The following PDZRN4 variants were observed in gnomAD, a reference collection of about 807,000 sequenced individuals.
PDZRN4 encodes PDZ domain-containing RING finger protein 4.
In PDZRN4, 70 loss-of-function variants were observed where a neutral mutation model predicts 99.0. The ratio of observed to expected loss-of-function variants is 0.71; its 90% CI spans 0.58 to 0.86. The LOEUF (loss-of-function observed/expected upper bound fraction) is 0.86. Ranked by LOEUF, PDZRN4 falls within the 40% of genes least tolerant of loss-of-function variation. PDZRN4 has a pLI of 0.00. For missense variants in PDZRN4, 1,474 were observed against 1,331.2 expected (o/e 1.11, Z -1.67); for synonymous variants, 551 against 501.6 (o/e 1.10, Z -1.32).
intron 3 of PDZRN4, among the ~76,000 whole-genome samples, chr12:41,300,428 A>T (rs1951527307): frequency 6.6e-6 from 1 of 152,036 alleles, no homozygotes; most frequent in Admixed American, 6.6e-5. Context: ...ATAACTCTTA[A>T]TTATATTTTG....
chr12:41,487,251 A>AT (rs71081746), intron 3 of PDZRN4, among the ~76,000 whole-genome samples: 37 of 149,676 alleles, frequency 2.5e-4, no homozygotes, highest in East Asian at 5.9e-4. Context: ...GTGCCCAATA[A>AT]TTTTTTTTTT....
intron 3 of PDZRN4, among the ~76,000 whole-genome samples, chr12:41,293,003 C>T (rs1341908071): frequency 1.3e-5 from 2 of 151,462 alleles, no homozygotes; most frequent in African/African-American, 4.9e-5. Flanking sequence ...GCTCCACTAA[C>T]ATCTTGGAGG....
chr12:41,333,031 A>C (rs1016368316), intron 3 of PDZRN4, among the ~76,000 whole-genome samples: 1 of 152,186 alleles, frequency 6.6e-6, no homozygotes, highest in African/African-American at 2.4e-5. Context: ...TGCCAAAGTC[A>C]CACATGCTAG....
At chr12:41,474,512 AG>A (rs1279904815) in intron 3 of PDZRN4, among the ~76,000 whole-genome samples, 1 of 152,204 alleles carries the variant, frequency 6.6e-6, no homozygotes, top group African/African-American at 2.4e-5. Flanking sequence ...AAAGTCTTAC[AG>A]TTTGTAAACG....
At chr12:41,271,356 T>C (rs1449078749) in intron 3 of PDZRN4, among the ~76,000 whole-genome samples, 1 of 152,158 alleles carries the variant, frequency 6.6e-6, no homozygotes, top group African/African-American at 2.4e-5. Flanking sequence ...TTCATGGCCC[T>C]ATTAAATCAC....
intron 3 of PDZRN4, among the ~76,000 whole-genome samples, chr12:41,480,599 A>G (rs1390846798): frequency 1.3e-5 from 2 of 152,164 alleles, no homozygotes; most frequent in African/African-American, 2.4e-5. Context: ...AATATAATAA[A>G]CGAAAACATA....
intron 3 of PDZRN4, among the ~76,000 whole-genome samples, chr12:41,479,820 T>C (rs1264220434): frequency 6.6e-6 from 1 of 152,214 alleles, no homozygotes; most frequent in Non-Finnish European, 1.5e-5. Context: ...TTAATTAATG[T>C]ATGCACATAT....
chr12:41,221,894 G>A (rs750438339), intron 3 of PDZRN4, among the ~76,000 whole-genome samples: 24 of 152,278 alleles, frequency 1.6e-4, no homozygotes, highest in Middle Eastern at 3.4e-3. Context: ...GATACTCATC[G>A]AGACATATTT....
At chr12:41,326,091 C>T (rs1313295200) in intron 3 of PDZRN4, among the ~76,000 whole-genome samples, 1 of 151,908 alleles carries the variant, frequency 6.6e-6, no homozygotes, top group Non-Finnish European at 1.5e-5. Context: ...TCAAGCAATC[C>T]TCCCACCTTG....
chr12:41,381,652 T>C (rs1161482963), intron 3 of PDZRN4, among the ~76,000 whole-genome samples: 1 of 152,190 alleles, frequency 6.6e-6, no homozygotes, highest in Non-Finnish European at 1.5e-5. Flanking sequence ...TAATTTTGCT[T>C]AATTTCCATG....
intron 3 of PDZRN4, among the ~76,000 whole-genome samples, chr12:41,430,127 T>C (rs1352958226): frequency 2.0e-5 from 3 of 152,248 alleles, no homozygotes; most frequent in East Asian, 1.9e-4. Flanking sequence ...GATGCCATTA[T>C]TGGTTTCTAG....
At chr12:41,247,694 A>G (rs1420289983) in intron 3 of PDZRN4, among the ~76,000 whole-genome samples, 1 of 152,110 alleles carries the variant, frequency 6.6e-6, no homozygotes, top group Non-Finnish European at 1.5e-5. Context: ...TGATGTAACA[A>G]TTTTTTTAAA....
At chr12:41,407,046 C>A (rs150085867) in intron 3 of PDZRN4, among the ~76,000 whole-genome samples, 1 of 152,216 alleles carries the variant, frequency 6.6e-6, no homozygotes, top group Non-Finnish European at 1.5e-5. Flanking sequence ...CATTGTTCCT[C>A]CTAATGAGCT....
intron 3 of PDZRN4, among the ~76,000 whole-genome samples, chr12:41,405,495 GGTATGAAT>G (rs1457312650): frequency 6.6e-6 from 1 of 152,096 alleles, no homozygotes; most frequent in Non-Finnish European, 1.5e-5. Context: ...ACACACTACT[GGTATGAAT>G]GTAAATCAGT....
chr12:41,567,844 T>C lies in PDZRN4; in HGVS notation c.1529T>C (p.Met510Thr), dbSNP rs1939402431. 1 of 1,613,528 alleles carries C rather than the reference T, an allele frequency of 6.2e-7. No homozygotes were observed. The highest frequency in any genetic ancestry group is 8.5e-7 in the Non-Finnish European group (1 of 1,179,764). The change falls in exon 9 of 10, where the codon ATG (methionine) becomes ACG (threonine). Residue 510 changes from methionine (M) to threonine (T), a missense_variant. Transcript: ENST00000402685. Reference sequence around the variant, plus strand: ...TTCTTAGAGGAGTTAAACTTGGAGATGTTGGAAGAAGAGCATAATGAAGCA... The same window carrying C: ...TTCTTAGAGGAGTTAAACTTGGAGACGTTGGAAGAAGAGCATAATGAAGCA... ...NEFLEELNLEMLEEEHNEAMQ... is the reference protein window; with the variant it reads ...NEFLEELNLETLEEEHNEAMQ...
intron 3 of PDZRN4, among the ~76,000 whole-genome samples, chr12:41,231,214 G>T (rs1389159677): frequency 6.6e-6 from 1 of 152,088 alleles, no homozygotes; most frequent in Admixed American, 6.6e-5. Context: ...AAGCCCTTGA[G>T]CAGTAAGATT....
In PDZRN4 at chr12:41,310,132, C is replaced by G. The variant is rs139779353; in HGVS notation, c.843+115944C>G. Among the ~76,000 whole-genome samples the G allele has an allele frequency of 9.8e-4, 149 of 152,148 alleles. 1 individual carries two copies. Among genetic ancestry groups the G allele is most frequent in the Non-Finnish European group, 1.5e-3 (100 of 67,994 alleles). On this transcript the variant is annotated intron_variant, in intron 3 of 9. Transcript: ENST00000402685. ...ATTTTTAGTAGAAACAGAGTTTTGC[C>G]TTGTTAGCCAGGCTGGTCTTGAACT... is the stretch of plus-strand genomic sequence containing the variant.
chr12:41,244,499 A>G lies in PDZRN4; in HGVS notation c.843+50311A>G, dbSNP rs79135118. Among the ~76,000 whole-genome samples, 1,003 of 151,906 alleles carry G rather than the reference A, an allele frequency of 6.6e-3. 35 individuals are homozygous for G. In the East Asian group the frequency reaches 0.12, roughly 19 times the overall value. Reference sequence around the variant, plus strand: ...GCCATTGTTCTACATGATCTGCTCCACTGCTGCATCTCTGACCCTACCTTC... The same window carrying G: ...GCCATTGTTCTACATGATCTGCTCCGCTGCTGCATCTCTGACCCTACCTTC... On this transcript the variant is annotated intron_variant, in intron 3 of 9. Coordinates refer to ENST00000402685, the MANE Select transcript of PDZRN4 (RefSeq NM_001164595.2).
At position 41,188,415 on chromosome 12, in the gene PDZRN4, C is replaced by A; in HGVS notation, c.-41C>A. The A allele has an allele frequency of 2.7e-6, 4 of 1,490,486 alleles. No individual in the cohort carries two copies. The South Asian group carries it at 3.9e-5, about 15-fold the overall frequency. 92.3% of individuals were successfully genotyped at this position (1,490,486 alleles called of 1,614,324 possible). A position where few individuals can be genotyped will look rare whatever the true frequency, so the allele number is the denominator to read the frequency against. On this transcript the variant is annotated 5_prime_UTR_variant, in exon 1 of 10. Transcript: ENST00000402685. ...GGAAGGCAGGGGGGCTCGGAGAAGA[C>A]GGACTCTGCTTTCGCTCCCCCTTTC...
Sources: gnomAD v4.1 joint callset for allele counts (sites outside exome capture counted in the v4.1 genomes callset) on GRCh38, gnomAD v4.1.1 for gene constraint, MANE v1.5 for transcripts, NCBI Gene and HGNC (gene_info 2026-07-23, HGNC 2026-07-21) for gene names.